USHBP1: variants seen among roughly 807,000 people sequenced by gnomAD.
USHBP1 encodes USH1 protein network component harmonin binding protein 1, also known as harmonin-binding protein USHBP1.
A neutral mutation model predicts 76.2 loss-of-function variants in USHBP1; 67 were observed. The ratio of observed to expected loss-of-function variants is 0.88; its 90% CI spans 0.72 to 1.08. The LOEUF (loss-of-function observed/expected upper bound fraction) is 1.08, where lower values mean the gene tolerates loss of function less well. USHBP1 is among the 50% of genes least tolerant of loss of function. USHBP1 has a pLI of 0.00. For missense variants in USHBP1, 931 were observed against 915.0 expected (o/e 1.02, Z -0.23); for synonymous variants, 322 against 362.2 (o/e 0.89, Z 1.26).
chr19:17,264,520 A>G, intron 1 of USHBP1, 151 bp downstream of exon 1: 1 of 569,204 alleles, frequency 1.8e-6, no homozygotes, highest in South Asian at 2.3e-5. Context: ...ACTACCTAAG[A>G]AGGTTGTCCT....
Position 17,264,026 on chromosome 19 carries a change from A to G in USHBP1, c.179T>C (p.Val60Ala). 1.2e-6 allele frequency: 2 copies of G among 1,605,766 alleles called. No homozygotes were observed. Among genetic ancestry groups the G allele is most frequent in the South Asian group, 1.1e-5 (1 of 89,864 alleles). Reference protein sequence around the residue: ...GLEQLGPMEEVSGQGLGSRTD... With the variant: ...GLEQLGPMEEASGQGLGSRTD... ...CCTGCTTCCTAGGCCTTGGCCACTG[A>G]CCTCCTCCATGGGGCCCAGCTGCTC... The change falls in exon 3 of 13, where the codon GTC becomes GCC. Residue 60 changes from valine to alanine, a missense_variant. By Grantham distance (64) the Val-to-Ala change is moderately conservative. Transcript: ENST00000252597.
At chr19:17,257,177 C>T (rs1343757830) in intron 8 of USHBP1, among the ~76,000 whole-genome samples, 1 of 148,240 alleles carries the variant, frequency 6.7e-6, no homozygotes, top group Non-Finnish European at 1.5e-5. Context: ...CTTGCCACCA[C>T]GCCCGGCTAA....
intron 4 of USHBP1, 56 bp from the exon 5 acceptor site, chr19:17,260,078 C>T (rs1173488569): frequency 1.3e-6 from 2 of 1,571,656 alleles, no homozygotes; most frequent in Non-Finnish European, 1.7e-6. Context: ...CACCAGCCCT[C>T]TCTCCCCAAG....
chr19:17,259,288 C>T lies in USHBP1; in HGVS notation c.1046+1G>A. ...TGACATCACTGGCAGGGTGCACTGA[C>T]CTGTACTGCAAGGCCAGATGCAATG... On this transcript the variant is annotated splice_donor_variant, in intron 7 of 12. Transcript: ENST00000252597. LOFTEE classifies it high-confidence loss of function. 1.2e-6 allele frequency: 2 copies of T among 1,610,638 alleles called. No individual in the cohort carries two copies. The highest frequency in any genetic ancestry group is 1.7e-6 in the Non-Finnish European group (2 of 1,178,646).
chr19:17,255,678 G>T (rs1169807644), intron 9 of USHBP1, 72 bp from the exon 10 acceptor site: 8 of 1,456,256 alleles, frequency 5.5e-6, no homozygotes, highest in Non-Finnish European at 7.4e-6. Context: ...GGCCCCAAGA[G>T]GCACCCACTG....
chr19:17,259,825 A>T, intron 5 of USHBP1, 72 bp downstream of exon 5: 2 of 1,583,376 alleles, frequency 1.3e-6, no homozygotes, highest in South Asian at 2.3e-5. Flanking sequence ...GGATCCCATG[A>T]CAAAGATTTG....
chr19:17,251,848 C>T, intron 11 of USHBP1, 63 bp downstream of exon 11: 1 of 1,516,056 alleles, frequency 6.6e-7, no homozygotes, highest in Admixed American at 2.0e-5. Flanking sequence ...AGACGACACC[C>T]CCGGGGGCTC....
chr19:17,261,337 C>CTTTCTTTTT (rs747378053), intron 4 of USHBP1, among the ~76,000 whole-genome samples: 2 of 123,928 alleles, frequency 1.6e-5, no homozygotes, highest in African/African-American at 6.5e-5. Context: ...TTCTTTCTTT[C>CTTTCTTTTT]TTTTTTTTTT....
Position 17,250,318 on chromosome 19 carries a change from G to C in USHBP1, c.2019C>G (p.Ala673=). ...TGGCTTCGAGCACCGCCACCTCCTCGGCCTGCTGAGCCTCCATGAGTGCCA... is the reference window on the plus strand; with the variant it reads ...TGGCTTCGAGCACCGCCACCTCCTCCGCCTGCTGAGCCTCCATGAGTGCCA... ...QQMALMEAQQ[A]EEVAVLEATA... Residue 673 remains alanine, a synonymous_variant, in exon 13 of 13, where the codon GCC becomes GCG. Coordinates refer to ENST00000252597, the MANE Select transcript of USHBP1 (RefSeq NM_031941.4). 1 of 1,613,486 alleles carries C rather than the reference G, an allele frequency of 6.2e-7. No individual in the cohort carries two copies. Among genetic ancestry groups the C allele is most frequent in the Non-Finnish European group, 8.5e-7 (1 of 1,179,906 alleles).
Position 17,264,127 on chromosome 19 carries a change from C to T in USHBP1, c.78G>A (p.Glu26=), listed in dbSNP as rs773882958. Residue 26 remains glutamate, a synonymous_variant, in exon 3 of 13, where the codon GAG becomes GAA. Transcript: ENST00000252597. The part of the protein sequence containing the change: ...APPGELDPVA[E]SSEEVEAASG... ...TGGCTGCCTCGACCTCCTCTGAACT[C>T]TCAGCCACGGGATCCAGTTCACCCT... 6 of 1,613,854 alleles carry T rather than the reference C, an allele frequency of 3.7e-6. No individual in the cohort carries two copies. The highest frequency in any genetic ancestry group is 5.1e-6 in the Non-Finnish European group (6 of 1,179,886).
At chr19:17,255,259 T>TC in intron 10 of USHBP1, 126 bp downstream of exon 10, 1 of 1,095,082 alleles carries the variant, frequency 9.1e-7, no homozygotes, top group South Asian at 1.6e-5. Context: ...AACATTGCAT[T>TC]CCAGCCTGGG....
intron 11 of USHBP1, 21 bp from the exon 12 acceptor site, chr19:17,251,725 G>T: frequency 6.2e-7 from 1 of 1,610,692 alleles, no homozygotes; most frequent in South Asian, 1.1e-5. Flanking sequence ...GGAGAAGAGA[G>T]GGGGCTCACA....
chr19:17,262,524 A>T (rs1166263505), intron 4 of USHBP1, 28 bp downstream of exon 4: 7 of 1,578,850 alleles, frequency 4.4e-6, no homozygotes, highest in Non-Finnish European at 4.3e-6. Flanking sequence ...ACAGAGAGCC[A>T]CATGGGACTC....
intron 10 of USHBP1, 144 bp downstream of exon 10, chr19:17,255,241 G>A (rs761425693): frequency 4.4e-6 from 4 of 904,744 alleles, no homozygotes; most frequent in South Asian, 3.6e-5. Flanking sequence ...GTGGTGAGCC[G>A]AGATTGCAAC....
rs139704502 is a variant in USHBP1 at position 17,259,570 on chromosome 19, A to C, written c.905+26T>G. On this transcript the variant is annotated intron_variant, in intron 6 of 12. Transcript: ENST00000252597. ...AGTTGGAGGAGGTGCCTGTGCCCTT[A>C]TGAGCTCAGCATTTGAGTCTCTTAC... 3.1e-4 allele frequency: 498 copies of C among 1,604,908 alleles called. 2 individuals are homozygous for C. In the African/African-American group the frequency reaches 5.8e-3, roughly 19 times the overall value.
chr19:17,250,111 A>G lies in USHBP1; in HGVS notation c.*114T>C, dbSNP rs1188245010. 2 of 1,280,332 alleles carry G rather than the reference A, an allele frequency of 1.6e-6. No individual in the cohort carries two copies. The highest frequency in any genetic ancestry group is 2.1e-6 in the Non-Finnish European group (2 of 942,364). 79.3% of individuals were successfully genotyped at this position (1,280,332 alleles called of 1,614,324 possible). A position where few individuals can be genotyped will look rare whatever the true frequency, so the allele number is the denominator to read the frequency against. On this transcript the variant is annotated 3_prime_UTR_variant, in exon 13 of 13. Coordinates refer to ENST00000252597, the MANE Select transcript of USHBP1 (RefSeq NM_031941.4). ...ACACCCATGTGCACCAGCTTCCCTCACGCCAAATGTGCCCCAACATGCCAA... is the reference window on the plus strand; with the variant it reads ...ACACCCATGTGCACCAGCTTCCCTCGCGCCAAATGTGCCCCAACATGCCAA...
chr19:17,255,276 G>C (rs2073603630), intron 10 of USHBP1, 109 bp downstream of exon 10: 2 of 1,251,120 alleles, frequency 1.6e-6, no homozygotes, highest in African/African-American at 3.2e-5. Context: ...TGGGCAACAA[G>C]AGCCAAACTC....
intron 12 of USHBP1, 31 bp downstream of exon 12, chr19:17,251,550 AG>A (rs750721105): frequency 1.2e-6 from 2 of 1,611,702 alleles, no homozygotes; most frequent in East Asian, 2.2e-5. Context: ...GGATGGTGCC[AG>A]GGGGATTGGG....
rs1185426460 is a variant in USHBP1, at chr19:17,262,883, T to C, written c.311A>G (p.Gln104Arg). 1.3e-6 allele frequency: 2 copies of C among 1,597,502 alleles called. No homozygotes were observed. The highest frequency in any genetic ancestry group is 1.7e-6 in the Non-Finnish European group (2 of 1,168,880). ...EAHQAPEAALQYKETVPPGNG... is the reference protein window; with the variant it reads ...EAHQAPEAALRYKETVPPGNG... Reference sequence around the variant, plus strand: ...CCCAGGGGGCACAGTCTCCTTGTACTGTAGGGCTGCTTCTGGGGCTTGGTG... The same window carrying C: ...CCCAGGGGGCACAGTCTCCTTGTACCGTAGGGCTGCTTCTGGGGCTTGGTG... Residue 104 changes from glutamine to arginine, a missense_variant, in exon 4 of 13, where the codon CAG (glutamine) becomes CGG (arginine). Coordinates refer to ENST00000252597, the MANE Select transcript of USHBP1 (RefSeq NM_031941.4).
Sources: allele counts gnomAD v4.1 joint callset (sites outside exome capture counted in the v4.1 genomes callset), GRCh38; gene constraint gnomAD v4.1.1; transcripts MANE v1.5; gene names NCBI Gene and HGNC (gene_info 2026-07-23, HGNC 2026-07-21).